SAMD4B: variants seen among roughly 807,000 people sequenced by gnomAD.
SAMD4B encodes the protein protein Smaug homolog 2.
In SAMD4B, 5 loss-of-function variants were observed where a neutral mutation model predicts 74.5. That is an observed-to-expected ratio of 0.07 (90% CI 0.04 to 0.14). The LOEUF is 0.14. SAMD4B is among the 10% of genes least tolerant of loss of function. The probability of loss-of-function intolerance (pLI) is 1.00; values close to 1 mark genes in which losing one functional copy is unlikely to be tolerated. For synonymous variants in SAMD4B, 373 were observed against 374.9 expected, an observed-to-expected ratio of 1.00 and a Z score of 0.06; for missense variants, 608 against 921.8, an observed-to-expected ratio of 0.66 and a Z score of 4.41.
downstream of SAMD4B, chr19:39,388,673 GC>G: frequency 6.2e-7 from 1 of 1,613,736 alleles, no homozygotes; most frequent in Non-Finnish European, 8.5e-7. Context: ...CATCCATCAT[GC>G]CCCTGGTTGG....
chr19:39,390,359 C>T, downstream of SAMD4B: 1 of 1,449,266 alleles, frequency 6.9e-7, no homozygotes, highest in Non-Finnish European at 9.4e-7. Context: ...AAAGGCTTCC[C>T]CAACCTTTCA....
rs1476706402 is a variant in SAMD4B at position 39,342,509 on chromosome 19, G to A, written c.-334G>A. On this transcript the variant is annotated 5_prime_UTR_variant, in exon 1 of 14. Transcript: ENST00000610417. ...GGGAGGGGAGCTTGCGGGCCCGAGA[G>A]GGGGCGACGGCGGCGGCGGTGGCCT... The A allele has an allele frequency of 1.1e-5, 2 of 174,124 alleles. No individual in the cohort carries two copies. Among genetic ancestry groups the A allele is most frequent in the Non-Finnish European group, 2.4e-5 (2 of 85,066 alleles). 10.8% of individuals were successfully genotyped at this position (174,124 alleles called of 1,614,324 possible). A position where few individuals can be genotyped will look rare whatever the true frequency, so the allele number is the denominator to read the frequency against.
At position 39,375,755 on chromosome 19, in the gene SAMD4B, C is replaced by T. The variant is rs2077564481; in HGVS notation, c.773C>T (p.Ala258Val). ...TGGCCGAGTCCAGAGGAGCTTGGGG[C>T]CCGGGCTGCTTTTACCACGCCCGAT... ...GEWPSPEELG[A>V]RAAFTTPDHA... Residue 258 changes from alanine (A) to valine (V), a missense_variant, in exon 5 of 14, where the codon GCC becomes GTC. Ala to Val is a moderately conservative substitution (Grantham distance 64, BLOSUM62 0). This residue lies in a region of SAMD4B where 153 missense variants were observed against 153.0 expected (regional missense o/e 1.00). Transcript: ENST00000610417. This position sits in a 1 kb window ranked among gnomAD's most constrained non-coding sequence, Gnocchi z 4.1. 6.2e-7 allele frequency: 1 copy of T among 1,614,060 alleles called. No homozygotes were observed. The highest frequency in any genetic ancestry group is 1.3e-5 in the African/African-American group (1 of 74,920).
rs1034881219 is a variant in SAMD4B, at chr19:39,383,651, ACT to A, written c.*129_*130del. 2.2e-4 allele frequency: 355 copies of A among 1,595,728 alleles called. 1 individual carries two copies. In the African/African-American group the frequency reaches 4.4e-3, roughly 20 times the overall value. On this transcript the variant is annotated 3_prime_UTR_variant, in exon 14 of 14. Coordinates refer to ENST00000610417, the MANE Select transcript of SAMD4B (RefSeq NM_001384574.2). This position sits in a 1 kb window ranked among gnomAD's most constrained non-coding sequence, Gnocchi z 4.1. ...CAGCTATATATTCTAATATTTTTCT[ACT>A]CTCTTACCCTCTTAACTTTTGTTTA...
At chr19:39,354,436 C>T (rs2145361815) in intron 2 of SAMD4B, among the ~76,000 whole-genome samples, 1 of 152,292 alleles carries the variant, frequency 6.6e-6, no homozygotes, top group South Asian at 2.1e-4. Flanking sequence ...GCTGTTCCTT[C>T]TATCTTCTTC....
At chr19:39,350,282 C>G (rs961397913) in intron 1 of SAMD4B, 1 of 152,134 alleles carries the variant, frequency 6.6e-6, no homozygotes, top group African/African-American at 2.4e-5. Context: ...AACAGAGTTA[C>G]TTGTCATAGT....
chr19:39,363,174 C>G (rs527708457), intron 3 of SAMD4B, among the ~76,000 whole-genome samples: 6 of 152,248 alleles, frequency 3.9e-5, no homozygotes, highest in African/African-American at 1.4e-4. Flanking sequence ...ACCTACTTAG[C>G]TCTAGTCACC....
rs2077530279 is a variant in SAMD4B at position 39,375,193 on chromosome 19, A to G, written c.668-457A>G. 6.6e-6 allele frequency among the ~76,000 whole-genome samples: 1 copy of G among 152,242 alleles called. No homozygotes were observed. Among genetic ancestry groups the G allele is most frequent in the African/African-American group, 2.4e-5 (1 of 41,476 alleles). On this transcript the variant is annotated intron_variant, in intron 4 of 13. Transcript: ENST00000610417. The surrounding 1 kb of genome is among the most constrained non-coding windows in gnomAD (Gnocchi z 4.1). ...GGGTTGTGGGAGAGGAACAGGGGCCAGGTCCTGCATGGCCTTTTAGGCATG... is the reference window on the plus strand; with the variant it reads ...GGGTTGTGGGAGAGGAACAGGGGCCGGGTCCTGCATGGCCTTTTAGGCATG...
downstream of SAMD4B, chr19:39,389,549 AGAG>A: frequency 6.2e-7 from 1 of 1,614,178 alleles, no homozygotes; most frequent in South Asian, 1.1e-5. This position sits in a 1 kb window ranked among gnomAD's most constrained non-coding sequence, Gnocchi z 5.3. Context: ...TAGAAGAACT[AGAG>A]GAGAGCGGGG....
At chr19:39,376,848 G>A (rs1182468938) in intron 7 of SAMD4B, 57 bp downstream of exon 7, 7 of 1,489,070 alleles carry the variant, frequency 4.7e-6, no homozygotes, top group Non-Finnish European at 6.5e-6. Context: ...GGTACCAGTA[G>A]ACCAAAGGCC....
Position 39,375,404 on chromosome 19 carries a change from G to C in SAMD4B, c.668-246G>C, listed in dbSNP as rs918518135. On this transcript the variant is annotated intron_variant, in intron 4 of 13. Coordinates refer to ENST00000610417, the MANE Select transcript of SAMD4B (RefSeq NM_001384574.2). The surrounding 1 kb of genome is among the most constrained non-coding windows in gnomAD (Gnocchi z 4.1). ...GCTGTGGCAGTAATTCCTGCCAGGGGTGCTGGTGGCTTGAGCCAGCGGAAC... is the reference window on the plus strand; with the variant it reads ...GCTGTGGCAGTAATTCCTGCCAGGGCTGCTGGTGGCTTGAGCCAGCGGAAC... 1.1e-4 allele frequency among the ~76,000 whole-genome samples: 16 copies of C among 152,206 alleles called. No homozygotes were observed. Among genetic ancestry groups the C allele is most frequent in the African/African-American group, 3.4e-4 (14 of 41,440 alleles).
intron 1 of SAMD4B, among the ~76,000 whole-genome samples, chr19:39,347,520 C>T (rs926031830): frequency 2.6e-5 from 4 of 152,232 alleles, no homozygotes; most frequent in African/African-American, 9.6e-5. Context: ...TTGTTTGGGT[C>T]TAGAGAGAGC....
At chr19:39,364,396 C>T (rs1222879053) in intron 3 of SAMD4B, among the ~76,000 whole-genome samples, 1 of 152,220 alleles carries the variant, frequency 6.6e-6, no homozygotes, top group African/African-American at 2.4e-5. Flanking sequence ...CACTGAGCCA[C>T]AGACTGAATG....
rs778927882 is a variant in SAMD4B at position 39,376,811 on chromosome 19, A to G, written c.1104+20A>G. On this transcript the variant is annotated intron_variant, in intron 7 of 13. Coordinates refer to ENST00000610417, the MANE Select transcript of SAMD4B (RefSeq NM_001384574.2). ...GAGAAGGTGAGGACCTGGTTTCTGC[A>G]TCTTCAAGGCCAGCCAGCCACTTGG... The G allele has an allele frequency of 6.2e-7, 1 of 1,607,670 alleles. No homozygotes were observed. The highest frequency in any genetic ancestry group is 8.5e-7 in the Non-Finnish European group (1 of 1,174,262).
intron 1 of SAMD4B, among the ~76,000 whole-genome samples, chr19:39,343,410 C>T (rs2075455453): frequency 6.6e-6 from 1 of 151,418 alleles, no homozygotes; most frequent in Non-Finnish European, 1.5e-5. Context: ...AATAAATCTT[C>T]CTCACAGACT....
rs1189660114 is a variant in SAMD4B, at chr19:39,375,538, C to T, written c.668-112C>T. On this transcript the variant is annotated intron_variant, in intron 4 of 13. Coordinates refer to ENST00000610417, the MANE Select transcript of SAMD4B (RefSeq NM_001384574.2). This position sits in a 1 kb window ranked among gnomAD's most constrained non-coding sequence, Gnocchi z 4.1. ...TTACCCTTGGACCCCAGGTCCCTTCCTCTTGGCAGGTTATGGGGCCAAACT... is the reference window on the plus strand; with the variant it reads ...TTACCCTTGGACCCCAGGTCCCTTCTTCTTGGCAGGTTATGGGGCCAAACT... 3 of 1,403,590 alleles carry T rather than the reference C, an allele frequency of 2.1e-6. No homozygotes were observed. The highest frequency in any genetic ancestry group is 2.9e-6 in the Non-Finnish European group (3 of 1,026,414). 86.9% of individuals were successfully genotyped at this position (1,403,590 alleles called of 1,614,324 possible).
chr19:39,374,920 G>A (rs895877067), intron 4 of SAMD4B, among the ~76,000 whole-genome samples: 2 of 152,166 alleles, frequency 1.3e-5, no homozygotes, highest in Admixed American at 6.5e-5. Flanking sequence ...AGAAAGACAA[G>A]ACAGTAATGT....
At chr19:39,366,577 G>A (rs1198836246) in intron 3 of SAMD4B, among the ~76,000 whole-genome samples, 2 of 152,230 alleles carry the variant, frequency 1.3e-5, no homozygotes, top group Non-Finnish European at 2.9e-5. Flanking sequence ...TAGGAACTGT[G>A]TGAGATTCAT....
chr19:39,374,929 G>A (rs1380685720), intron 4 of SAMD4B, among the ~76,000 whole-genome samples: 1 of 152,098 alleles, frequency 6.6e-6, no homozygotes, highest in East Asian at 1.9e-4. Context: ...AGACAGTAAT[G>A]TGATAGAGTG....
Sources: allele counts gnomAD v4.1 joint callset (sites outside exome capture counted in the v4.1 genomes callset), GRCh38; gene constraint gnomAD v4.1.1; regional missense constraint gnomAD v4.1.1; non-coding constraint Gnocchi (gnomAD v3.1); transcripts MANE v1.5; gene names NCBI Gene and HGNC (gene_info 2026-07-23, HGNC 2026-07-21).